The following ABAT variants were observed in gnomAD, a reference collection of about 807,000 sequenced individuals.
ABAT encodes the protein 4-aminobutyrate aminotransferase.
Under a neutral mutation model 64.6 loss-of-function variants are expected in ABAT, and 45 were observed. That is an observed-to-expected ratio of 0.70 (90% CI 0.55 to 0.89). The LOEUF (loss-of-function observed/expected upper bound fraction) is 0.89, where lower values mean the gene tolerates loss of function less well. Ranked by LOEUF, ABAT falls within the 40% of genes least tolerant of loss-of-function variation. The pLI is 0.00. For synonymous variants in ABAT, 297 were observed against 250.5 expected (o/e 1.19, Z -1.75); for missense variants, 633 against 658.4 (o/e 0.96, Z 0.42).
intron 1 of ABAT, among the ~76,000 whole-genome samples, chr16:8,708,975 C>T (rs12447371): frequency 0.062 from 9,453 of 152,216 alleles, 360 homozygotes; most frequent in South Asian, 0.1. Context: ...CAATGAGTCA[C>T]GCCTGGCTAC....
At chr16:8,775,312 C>A (rs894145360) in intron 13 of ABAT, among the ~76,000 whole-genome samples, 1 of 152,158 alleles carries the variant, frequency 6.6e-6, no homozygotes, top group Non-Finnish European at 1.5e-5. Flanking sequence ...ATATCATCGA[C>A]AGCTGCCGCA....
chr16:8,777,912 T>A (rs1252352589), intron 14 of ABAT, among the ~76,000 whole-genome samples: 1 of 152,140 alleles, frequency 6.6e-6, no homozygotes, highest in African/African-American at 2.4e-5. Flanking sequence ...TCAACTGAGT[T>A]TGAGACCAGC....
At chr16:8,722,904 C>A in intron 1 of ABAT, 2 of 1,273,014 alleles carry the variant, frequency 1.6e-6, no homozygotes, top group Non-Finnish European at 2.1e-6. Context: ...ACTCTTAGCA[C>A]GCTTGTCAGG....
At chr16:8,769,607 A>G (rs1215955579) in intron 11 of ABAT, among the ~76,000 whole-genome samples, 1 of 150,626 alleles carries the variant, frequency 6.6e-6, no homozygotes, top group African/African-American at 2.4e-5. Context: ...AGAATATGGG[A>G]TATCCCACAG....
intron 14 of ABAT, among the ~76,000 whole-genome samples, chr16:8,777,925 G>A (rs115138167): frequency 0.01 from 1,539 of 152,130 alleles, 20 homozygotes; most frequent in African/African-American, 0.035. Context: ...AGACCAGCCC[G>A]GGCAACATGG....
chr16:8,735,796 C>T lies in ABAT; in HGVS notation c.57C>T (p.Arg19=), dbSNP rs1428203927. 1 of 1,604,320 alleles carries T rather than the reference C, an allele frequency of 6.2e-7. No individual in the cohort carries two copies. Among genetic ancestry groups the T allele is most frequent in the Non-Finnish European group, 8.5e-7 (1 of 1,175,638 alleles). ...RLACSFQHSY[R]LLVPGSRHIS... is the part of the protein sequence containing the mutation. Reference sequence around the variant, plus strand: ...CCTGCAGCTTCCAGCACAGCTACCGCCTGCTGGTGCCTGGTAAGCCCCGGG... The same window carrying T: ...CCTGCAGCTTCCAGCACAGCTACCGTCTGCTGGTGCCTGGTAAGCCCCGGG... The change falls in exon 2 of 16, where the codon CGC becomes CGT. Residue 19 remains arginine, a synonymous_variant. Coordinates refer to ENST00000268251, the MANE Select transcript of ABAT (RefSeq NM_020686.6).
At chr16:8,682,915 G>A (rs1345806794) in intron 1 of ABAT, among the ~76,000 whole-genome samples, 1 of 152,156 alleles carries the variant, frequency 6.6e-6, no homozygotes, top group Non-Finnish European at 1.5e-5. Context: ...TGATTTGTGT[G>A]CACTTTTAAG....
At chr16:8,751,286 A>T in intron 5 of ABAT, among the ~76,000 whole-genome samples, 1 of 151,798 alleles carries the variant, frequency 6.6e-6, no homozygotes, top group Non-Finnish European at 1.5e-5. Flanking sequence ...TGGTCTCACT[A>T]TGCGCTGCCC....
Position 8,758,831 on chromosome 16 carries a change from C to T in ABAT, c.366+1025C>T, listed in dbSNP as rs533564684. ...TAAAGAATATGGCCAGGCACGGTGGCTCACGCCTGTAATCCCAGCACTTTG... is the reference window on the plus strand; with the variant it reads ...TAAAGAATATGGCCAGGCACGGTGGTTCACGCCTGTAATCCCAGCACTTTG... On this transcript the variant is annotated intron_variant, in intron 6 of 15. Transcript: ENST00000268251. Among the ~76,000 whole-genome samples the T allele has an allele frequency of 9.8e-5, 15 of 152,294 alleles. No homozygotes were observed. In the South Asian group the frequency reaches 3.1e-3, roughly 32 times the overall value.
At chr16:8,766,691 G>A (rs940501684) in intron 9 of ABAT, among the ~76,000 whole-genome samples, 5 of 144,960 alleles carry the variant, frequency 3.4e-5, no homozygotes, top group South Asian at 2.2e-4. Flanking sequence ...ACAAAAGGCC[G>A]GCTGCTGTGG....
At chr16:8,760,586 T>C (rs915242974) in intron 6 of ABAT, among the ~76,000 whole-genome samples, 2 of 152,256 alleles carry the variant, frequency 1.3e-5, no homozygotes, top group Non-Finnish European at 2.9e-5. Context: ...AGGTGTCTGA[T>C]GAGGCCCACT....
At chr16:8,702,339 G>A (rs1014315472) in intron 1 of ABAT, among the ~76,000 whole-genome samples, 31 of 151,524 alleles carry the variant, frequency 2.0e-4, no homozygotes, top group Admixed American at 5.3e-4. Context: ...TGCAACCTCC[G>A]CCTCCTGGGT....
rs1347584977 is a variant in ABAT at position 8,735,698 on chromosome 16, G to T, written c.-41-1G>T. 1 of 1,563,430 alleles carries T rather than the reference G, an allele frequency of 6.4e-7. No homozygotes were observed. ...AAGTCTGCATTTCTGGTTTCTTTCA[G>T]GGTGGCAGCACGCAAAGGGTGTCCC... On this transcript the variant is annotated splice_acceptor_variant, in intron 1 of 15. Coordinates refer to ENST00000268251, the MANE Select transcript of ABAT (RefSeq NM_020686.6). LOFTEE classifies it low-confidence loss of function (5UTR_SPLICE).
At chr16:8,714,101 C>A (rs1424753455) in intron 1 of ABAT, among the ~76,000 whole-genome samples, 2 of 152,080 alleles carry the variant, frequency 1.3e-5, no homozygotes, top group Non-Finnish European at 2.9e-5. Flanking sequence ...ACTTTGTGAA[C>A]ACAGCAGGAG....
chr16:8,738,806 G>A (rs751824524), intron 2 of ABAT, among the ~76,000 whole-genome samples: 8 of 151,480 alleles, frequency 5.3e-5, no homozygotes, highest in Admixed American at 2.0e-4. Context: ...CACCATGCCC[G>A]GCTAATTTTT....
intron 6 of ABAT, among the ~76,000 whole-genome samples, chr16:8,762,540 T>G (rs2059827821): frequency 6.6e-6 from 1 of 152,236 alleles, no homozygotes; most frequent in South Asian, 2.1e-4. Context: ...CCTGTTGAGC[T>G]GACTGCAAGG....
At chr16:8,749,362 C>T (rs1333233554) in intron 4 of ABAT, among the ~76,000 whole-genome samples, 1 of 131,002 alleles carries the variant, frequency 7.6e-6, no homozygotes, top group Non-Finnish European at 1.6e-5. Flanking sequence ...TGCTGGATTA[C>T]AGGCGTGAGC....
chr16:8,770,157 A>G (rs1164615711), intron 11 of ABAT, among the ~76,000 whole-genome samples: 1 of 152,142 alleles, frequency 6.6e-6, no homozygotes, highest in Non-Finnish European at 1.5e-5. Flanking sequence ...TTTGTTTTTG[A>G]GATGGAGTCT....
At chr16:8,691,442 AC>A (rs976145685) in intron 1 of ABAT, among the ~76,000 whole-genome samples, 16 of 151,272 alleles carry the variant, frequency 1.1e-4, no homozygotes, top group African/African-American at 3.9e-4. Flanking sequence ...TCCCCAGGGA[AC>A]TTTTTTTTTT....
Sources: allele counts gnomAD v4.1 joint callset (sites outside exome capture counted in the v4.1 genomes callset), GRCh38; gene constraint gnomAD v4.1.1; transcripts MANE v1.5; gene names NCBI Gene and HGNC (gene_info 2026-07-23, HGNC 2026-07-21).